TLL1: variants seen among roughly 807,000 people sequenced by gnomAD.
TLL1 encodes the protein tolloid-like protein 1.
A neutral mutation model predicts 128.2 loss-of-function variants in TLL1; 49 were observed. The observed-to-expected ratio is 0.38, with a 90% CI of 0.30 to 0.48. The LOEUF (loss-of-function observed/expected upper bound fraction) is 0.48, where lower values mean the gene tolerates loss of function less well. Among genes scored for constraint, TLL1 ranks in the 20% least tolerant of loss-of-function variants. TLL1 has a pLI of 0.96. For synonymous variants in TLL1, 454 were observed against 418.8 expected (o/e 1.08, Z -1.03); for missense variants, 1,123 against 1,242.0 (o/e 0.90, Z 1.44).
chr4:166,083,847 A>C (rs960771737), intron 18 of TLL1, among the ~76,000 whole-genome samples: 8 of 152,212 alleles, frequency 5.3e-5, no homozygotes, highest in Admixed American at 5.2e-4. Flanking sequence ...TGCAGTGAAC[A>C]TGGGAGCAAC....
chr4:166,002,843 C>T (rs1416056021), intron 5 of TLL1, among the ~76,000 whole-genome samples: 1 of 152,086 alleles, frequency 6.6e-6, no homozygotes, highest in Non-Finnish European at 1.5e-5. Context: ...TTTTGATAAA[C>T]CAACATCTTT....
At chr4:166,081,633 T>C (rs1490430788) in intron 18 of TLL1, among the ~76,000 whole-genome samples, 1 of 152,144 alleles carries the variant, frequency 6.6e-6, no homozygotes, top group East Asian at 1.9e-4. Flanking sequence ...CAACATCTCT[T>C]CCTCTTGTAG....
At chr4:166,078,087 C>G in intron 18 of TLL1, 57 bp downstream of exon 18, 3 of 1,607,644 alleles carry the variant, frequency 1.9e-6, no homozygotes, top group East Asian at 2.2e-5. Context: ...TCTTTCACTA[C>G]AAGCACTTGG....
At chr4:165,948,517 G>A (rs552320588) in intron 1 of TLL1, among the ~76,000 whole-genome samples, 1 of 152,220 alleles carries the variant, frequency 6.6e-6, no homozygotes, top group African/African-American at 2.4e-5. Context: ...AGTTATGGAG[G>A]CTGAGAAACC....
At chr4:165,935,463 A>ATT (rs1476691300) in intron 1 of TLL1, among the ~76,000 whole-genome samples, 1 of 152,224 alleles carries the variant, frequency 6.6e-6, no homozygotes, top group African/African-American at 2.4e-5. Flanking sequence ...AGACCTTAGT[A>ATT]TTATAAAACT....
intron 18 of TLL1, among the ~76,000 whole-genome samples, chr4:166,086,898 G>A (rs1301420814): frequency 2.0e-5 from 3 of 152,098 alleles, no homozygotes; most frequent in South Asian, 2.1e-4. Flanking sequence ...TATTATGCGT[G>A]TGTGTGTTTA....
At position 166,103,076 on chromosome 4, in the gene TLL1, G is replaced by C. The variant is rs555551171; in HGVS notation, c.*2200G>C. 9.9e-5 allele frequency: 15 copies of C among 152,018 alleles called. No individual in the cohort carries two copies. The South Asian group carries it at 3.1e-3, about 32-fold the overall frequency. 9.4% of individuals were successfully genotyped at this position (152,018 alleles called of 1,614,324 possible). A position where few individuals can be genotyped will look rare whatever the true frequency, so the allele number is the denominator to read the frequency against. On this transcript the variant is annotated 3_prime_UTR_variant, in exon 21 of 21. Transcript: ENST00000061240. Reference sequence around the variant, plus strand: ...ATGTTCTCGTTTTGTAGTTCAGAAAGTGAGGCTCAAAGAATTTATGTAACC... The same window carrying C: ...ATGTTCTCGTTTTGTAGTTCAGAAACTGAGGCTCAAAGAATTTATGTAACC...
At position 166,060,212 on chromosome 4, in the gene TLL1, T is replaced by C. The variant is rs372177888; in HGVS notation, c.2007+24T>C. 4.3e-6 allele frequency: 7 copies of C among 1,612,692 alleles called. 1 individual carries two copies. The highest frequency in any genetic ancestry group is 1.3e-5 in the African/African-American group (1 of 74,668). On this transcript the variant is annotated intron_variant, in intron 15 of 20. Transcript: ENST00000061240. ...AAGTAAGTGAACAATAACTGTAATT[T>C]TTTAAATCATGTTTTGGAACTCCCT...
At chr4:166,017,562 G>A (rs574937032) in intron 8 of TLL1, among the ~76,000 whole-genome samples, 11 of 152,186 alleles carry the variant, frequency 7.2e-5, no homozygotes, top group Admixed American at 6.5e-4. Context: ...ACAACAGTGT[G>A]TAAGCATTCT....
chr4:166,006,123 C>CAA (rs903447685), intron 6 of TLL1, among the ~76,000 whole-genome samples: 8 of 151,774 alleles, frequency 5.3e-5, no homozygotes, highest in African/African-American at 1.9e-4. Flanking sequence ...CTAATAAGCA[C>CAA]AAACTTTGGC....
chr4:165,927,060 G>A (rs6848839), intron 1 of TLL1, among the ~76,000 whole-genome samples: 4,340 of 152,230 alleles, frequency 0.029, 209 homozygotes, highest in African/African-American at 0.093. Flanking sequence ...TTAGAAACTA[G>A]AGTAGAACTC....
intron 1 of TLL1, among the ~76,000 whole-genome samples, chr4:165,919,033 A>G (rs543019556): frequency 2.0e-5 from 3 of 152,310 alleles, no homozygotes; most frequent in Middle Eastern, 6.8e-3. Context: ...TAATAATGGA[A>G]TATATGTGTA....
At chr4:166,062,931 G>A (rs1303304791) in intron 15 of TLL1, among the ~76,000 whole-genome samples, 1 of 152,094 alleles carries the variant, frequency 6.6e-6, no homozygotes, top group African/African-American at 2.4e-5. Context: ...AGCATGAAGG[G>A]CTGTTGCATT....
intron 1 of TLL1, among the ~76,000 whole-genome samples, chr4:165,886,974 G>T (rs535192186): frequency 6.6e-6 from 1 of 152,154 alleles, no homozygotes; most frequent in Non-Finnish European, 1.5e-5. Context: ...TAAGATAAAA[G>T]TTGAAGCTGT....
chr4:166,074,444 T>C (rs535165560), intron 16 of TLL1, among the ~76,000 whole-genome samples: 5 of 151,926 alleles, frequency 3.3e-5, no homozygotes, highest in Non-Finnish European at 7.4e-5. Context: ...TCTGTCTGTA[T>C]ACCATGGTTA....
At chr4:165,978,309 T>G (rs772030590) in intron 1 of TLL1, among the ~76,000 whole-genome samples, 7 of 151,974 alleles carry the variant, frequency 4.6e-5, no homozygotes, top group Non-Finnish European at 1.0e-4. Context: ...GAAATATATA[T>G]ACATACAATT....
At chr4:165,894,842 AGTGTGTGTGTGTGTGTGTGTGTGT>A (rs34248657) in intron 1 of TLL1, among the ~76,000 whole-genome samples, 4 of 142,020 alleles carry the variant, frequency 2.8e-5, no homozygotes, top group Non-Finnish European at 4.7e-5. Flanking sequence ...TCAAATGATG[AGTGTGTGTGTGTGTGTGTGTGTGT>A]GTGTGTGTGT....
intron 5 of TLL1, among the ~76,000 whole-genome samples, chr4:166,000,324 G>A (rs1737089655): frequency 6.6e-6 from 1 of 152,136 alleles, no homozygotes; most frequent in Non-Finnish European, 1.5e-5. Context: ...CTTAATCTGA[G>A]AGTCTAGAAT....
intron 1 of TLL1, among the ~76,000 whole-genome samples, chr4:165,889,448 T>C (rs1416552972): frequency 1.3e-5 from 2 of 152,202 alleles, no homozygotes; most frequent in African/African-American, 4.8e-5. Context: ...GGGTAAAAAT[T>C]TTTGTACCTT....
Sources: gnomAD v4.1 joint callset for allele counts (sites outside exome capture counted in the v4.1 genomes callset) on GRCh38, gnomAD v4.1.1 for gene constraint, MANE v1.5 for transcripts, NCBI Gene and HGNC (gene_info 2026-07-23, HGNC 2026-07-21) for gene names.